The following ZNF132 variants were observed in gnomAD, a reference collection of about 807,000 sequenced individuals.
The protein encoded by ZNF132 is zinc finger protein 132.
ZNF132 carries 6 observed loss-of-function variants against 9.3 expected under a neutral mutation model. That is an observed-to-expected ratio of 0.65 (90% confidence interval 0.35 to 1.28). The LOEUF (loss-of-function observed/expected upper bound fraction) is 1.28. Ranked by LOEUF, ZNF132 falls within the 50% of genes most tolerant of loss-of-function variation. The probability of loss-of-function intolerance (pLI) is 0.03; values close to 1 mark genes in which losing one functional copy is unlikely to be tolerated. For missense variants in ZNF132, 877 were observed against 843.2 expected (o/e 1.04, Z -0.50); for synonymous variants, 296 against 292.0 (o/e 1.01, Z -0.14).
At position 58,433,738 on chromosome 19, in the gene ZNF132, C is replaced by T; in HGVS notation, c.1706G>A (p.Arg569Lys). ...IEHWRVHTKE[R>K]PYECNECGKF... ...CCCACATTCATTGCACTCATAAGGC[C>T]TTTCTTTTGTGTGAACTCTCCAGTG... is the stretch of plus-strand genomic sequence containing the variant. The change falls in exon 3 of 3, where the codon AGG (arginine) becomes AAG (lysine). Residue 569 changes from arginine to lysine, a missense_variant. Transcript: ENST00000254166. 6.2e-7 allele frequency: 1 copy of T among 1,614,020 alleles called. No homozygotes were observed. The highest frequency in any genetic ancestry group is 8.5e-7 in the Non-Finnish European group (1 of 1,179,924).
At position 58,433,340 on chromosome 19, in the gene ZNF132, T is replaced by C. The variant is rs1170859361; in HGVS notation, c.2104A>G (p.Lys702Glu). 6.8e-6 allele frequency: 11 copies of C among 1,612,994 alleles called. No homozygotes were observed. In the South Asian group the frequency reaches 1.2e-4, roughly 18 times the overall value. ...GGCTCCACTCAGGTATGAATCTTTT[T>C]ATGCTGTGCAAGGTTACAAAGATGG... ...FSHLCNLAQH[K>E]KIHT Residue 702 changes from lysine to glutamate, a missense_variant, in exon 3 of 3, where the codon AAA becomes GAA. Physicochemically the swap from Lys to Glu is moderately conservative, Grantham distance 56 (BLOSUM62 1). Transcript: ENST00000254166.
chr19:58,437,305 CT>C (rs1181860298), intron 1 of ZNF132, 90 bp from the exon 2 acceptor site: 2 of 1,405,554 alleles, frequency 1.4e-6, no homozygotes, highest in African/African-American at 2.9e-5. Context: ...ACTAATATCT[CT>C]TTTTCTTATG....
At chr19:58,436,892 G>A in intron 2 of ZNF132, 155 bp downstream of exon 2, 1 of 998,718 alleles carries the variant, frequency 1.0e-6, no homozygotes, top group Non-Finnish European at 1.6e-6. Flanking sequence ...GACAGGGGAA[G>A]TACACACAGC....
Position 58,433,992 on chromosome 19 carries a change from T to A in ZNF132, c.1452A>T (p.Glu484Asp). 3 of 1,614,244 alleles carry A rather than the reference T, an allele frequency of 1.9e-6. No homozygotes were observed. In the South Asian group the frequency reaches 3.3e-5, roughly 18 times the overall value. ...CACAATCACAGCATTCAAAAGGCCG[T>A]TCTCCAGTGTGAACTTTCTGATGTC... ...LLRHQKVHTG[E>D]RPFECCDCGK... is the part of the protein sequence containing the mutation. The change falls in exon 3 of 3, where the codon GAA (glutamate) becomes GAT (aspartate). Residue 484 changes from glutamate to aspartate, a missense_variant. Transcript: ENST00000254166.
intron 2 of ZNF132, chr19:58,436,178 G>C (rs2052771673): frequency 6.5e-6 from 1 of 153,964 alleles, no homozygotes; most frequent in Non-Finnish European, 1.5e-5. Flanking sequence ...CGGGGGGAAA[G>C]GGATAAGGGA....
At position 58,433,154 on chromosome 19, in the gene ZNF132, T is replaced by G. The variant is rs1599964050; in HGVS notation, c.*169A>C. On this transcript the variant is annotated 3_prime_UTR_variant, in exon 3 of 3. Transcript: ENST00000254166. ...TGGCTTCTGCCTTATGCTGCATGGG[T>G]GAGATGGCCCTGCAAAGGTTCCTGG... 2.9e-6 allele frequency: 2 copies of G among 696,106 alleles called. No homozygotes were observed. 43.1% of individuals were successfully genotyped at this position (696,106 alleles called of 1,614,324 possible).
At position 58,439,998 on chromosome 19, in the gene ZNF132, C is replaced by T. The variant is rs766241764; in HGVS notation, c.-177G>A. On this transcript the variant is annotated 5_prime_UTR_variant, in exon 1 of 3. Coordinates refer to ENST00000254166, the MANE Select transcript of ZNF132 (RefSeq NM_003433.4). ...AGACGCGTGGCGCTGGCTCCACTTT[C>T]GGGAACACCTTGGCTCATAAAAGCA... 7.9e-6 allele frequency: 5 copies of T among 634,662 alleles called. No homozygotes were observed. The highest frequency in any genetic ancestry group is 1.3e-5 in the Non-Finnish European group (5 of 372,072). The allele number at this position is 634,662 out of a possible 1,614,324, so 39.3% of individuals were successfully genotyped here.
chr19:58,437,300 T>C (rs775088403), intron 1 of ZNF132, 85 bp from the exon 2 acceptor site: 50 of 1,425,914 alleles, frequency 3.5e-5, no homozygotes, highest in Non-Finnish European at 4.6e-5. Flanking sequence ...CTACCACTAA[T>C]ATCTCTTTTT....
Position 58,439,851 on chromosome 19 carries a change from T to G in ZNF132, c.-30A>C, listed in dbSNP as rs2052792882. The G allele has an allele frequency of 1.3e-6, 2 of 1,534,098 alleles. No individual in the cohort carries two copies. Among genetic ancestry groups the G allele is most frequent in the South Asian group, 2.4e-5 (2 of 81,858 alleles). On this transcript the variant is annotated 5_prime_UTR_variant, in exon 1 of 3. Coordinates refer to ENST00000254166, the MANE Select transcript of ZNF132 (RefSeq NM_003433.4). The stretch of plus-strand genomic sequence containing the variant: ...GGAGGCCCAGGGCTAGCCCTGCCGC[T>G]GGGCCGAACCCTCACACTTCCGCTG...
At position 58,437,091 on chromosome 19, in the gene ZNF132, T is replaced by A. The variant is rs746395623; in HGVS notation, c.188A>T (p.Tyr63Phe). The A allele has an allele frequency of 2.8e-4, 458 of 1,614,026 alleles. No individual in the cohort carries two copies. Among genetic ancestry groups the A allele is most frequent in the Non-Finnish European group, 3.7e-4 (442 of 1,180,034 alleles). Reference protein sequence around the residue: ...ELLDAAQRHLYHSVMLENLEL... With the variant: ...ELLDAAQRHLFHSVMLENLEL... ...AAGGTTTTCCAGCATCACACTGTGG[T>A]ACAGGTGCCTCTGGGCTGCATCAAG... is the stretch of plus-strand genomic sequence containing the variant. Residue 63 changes from tyrosine (Y) to phenylalanine (F), a missense_variant, in exon 2 of 3, where the codon TAC (tyrosine) becomes TTC (phenylalanine). Tyr to Phe is a conservative substitution (Grantham distance 22). Transcript: ENST00000254166.
intron 1 of ZNF132, 24 bp from the exon 2 acceptor site, chr19:58,437,239 T>A (rs774392140): frequency 6.4e-7 from 1 of 1,567,758 alleles, no homozygotes; most frequent in East Asian, 2.2e-5. Context: ...AAACAATTGG[T>A]CAAATGGAAA....
intron 1 of ZNF132, chr19:58,437,590 G>C: frequency 2.9e-6 from 2 of 700,702 alleles, no homozygotes; most frequent in Non-Finnish European, 1.8e-6. Context: ...TCTTGTACCA[G>C]GGCCATGGGC....
chr19:58,434,816 G>A lies in ZNF132; in HGVS notation c.628C>T (p.Leu210Phe). ...VILGSCDLLQLQAVDSGQKPY... is the reference protein window; with the variant it reads ...VILGSCDLLQFQAVDSGQKPY... ...TTCTGCCCACTGTCAACAGCTTGAA[G>A]CTGGAGGAGGTCACAGCTGCCCAGG... is the stretch of plus-strand genomic sequence containing the variant. Residue 210 changes from leucine to phenylalanine, a missense_variant, in exon 3 of 3, where the codon CTT becomes TTT. Coordinates refer to ENST00000254166, the MANE Select transcript of ZNF132 (RefSeq NM_003433.4). 6.2e-7 allele frequency: 1 copy of A among 1,614,190 alleles called. No individual in the cohort carries two copies. Among genetic ancestry groups the A allele is most frequent in the Non-Finnish European group, 8.5e-7 (1 of 1,180,024 alleles).
chr19:58,437,866 C>T (rs1599968192), intron 1 of ZNF132: 1 of 884,954 alleles, frequency 1.1e-6, no homozygotes, highest in South Asian at 5.2e-5. Flanking sequence ...CTGCCCAGAA[C>T]CATAAGCAGA....
In ZNF132 at chr19:58,434,200, CT is replaced by C. The variant is rs777221716; in HGVS notation, c.1243del (p.Ser415AlafsTer116). Reference sequence around the variant, plus strand: ...TCTCCAGTGCTGAATGAGAGCAGAGCTTCGGCTGAAGGATTTACCACATTGA... The same window carrying C: ...TCTCCAGTGCTGAATGAGAGCAGAGCTCGGCTGAAGGATTTACCACATTGA... ...CSQCGKSFSR[S>X]SALIQHWRVH... On this transcript the variant is annotated frameshift_variant, in exon 3 of 3. Coordinates refer to ENST00000254166, the MANE Select transcript of ZNF132 (RefSeq NM_003433.4). LOFTEE classifies it low-confidence loss of function (END_TRUNC). 3.1e-6 allele frequency: 5 copies of C among 1,614,084 alleles called. No homozygotes were observed. The highest frequency in any genetic ancestry group is 4.2e-6 in the Non-Finnish European group (5 of 1,180,048).
intron 2 of ZNF132, among the ~76,000 whole-genome samples, chr19:58,436,017 A>G (rs1464658701): frequency 6.6e-6 from 1 of 152,278 alleles, no homozygotes; most frequent in Non-Finnish European, 1.5e-5. Context: ...GCTATAAAAA[A>G]GAATGAAATA....
At chr19:58,437,250 T>C (rs1204700944) in intron 1 of ZNF132, 35 bp from the exon 2 acceptor site, 2 of 1,553,104 alleles carry the variant, frequency 1.3e-6, no homozygotes, top group African/African-American at 1.4e-5. Flanking sequence ...CAAATGGAAA[T>C]ATGCAGGACC....
chr19:58,439,322 G>A (rs1259905202), intron 1 of ZNF132, among the ~76,000 whole-genome samples: 3 of 152,160 alleles, frequency 2.0e-5, no homozygotes, highest in Non-Finnish European at 2.9e-5. Context: ...TGGAGTCAGA[G>A]CACCTACTTC....
chr19:58,434,899 C>A lies in ZNF132; in HGVS notation c.545G>T (p.Ser182Ile). 6.2e-7 allele frequency: 1 copy of A among 1,614,144 alleles called. No individual in the cohort carries two copies. Among genetic ancestry groups the A allele is most frequent in the Non-Finnish European group, 8.5e-7 (1 of 1,180,018 alleles). ...WYKDRDALMK[S>I]SKVHLSENPF... ...GTTCTCTGACAGGTGGACTTTAGAG[C>A]TCTTCATAAGTGCGTCCCTGTCCTT... The change falls in exon 3 of 3, where the codon AGC (serine) becomes ATC (isoleucine). Residue 182 changes from serine (S) to isoleucine (I), a missense_variant. Ser to Ile is a moderately radical substitution (Grantham distance 142). Coordinates refer to ENST00000254166, the MANE Select transcript of ZNF132 (RefSeq NM_003433.4).
Sources: gnomAD v4.1 joint callset for allele counts (sites outside exome capture counted in the v4.1 genomes callset) on GRCh38, gnomAD v4.1.1 for gene constraint, MANE v1.5 for transcripts, NCBI Gene and HGNC (gene_info 2026-07-23, HGNC 2026-07-21) for gene names.